ZMAT1: variants seen among roughly 807,000 people sequenced by gnomAD.
ZMAT1 encodes the protein zinc finger matrin-type protein 1.
ZMAT1 carries 11 observed loss-of-function variants against 18.5 expected under a neutral mutation model. The ratio of observed to expected loss-of-function variants is 0.59; its 90% confidence interval spans 0.37 to 0.98. The LOEUF (loss-of-function observed/expected upper bound fraction) is 0.98, where lower values mean the gene tolerates loss of function less well. Among genes scored for constraint, ZMAT1 ranks in the 50% least tolerant of loss-of-function variants. The pLI is 0.01. For synonymous variants in ZMAT1, 211 were observed against 176.4 expected, an observed-to-expected ratio of 1.20 and a Z score of -1.55; for missense variants, 525 against 496.2, an observed-to-expected ratio of 1.06 and a Z score of -0.55.
chrX:101,921,325 T>TTGTTG (rs1929710939), intron 1 of ZMAT1, among the ~76,000 whole-genome samples: 1 of 112,322 alleles, frequency 8.9e-6, no homozygotes, highest in South Asian at 3.7e-4. Context: ...TTCCAGGTGA[T>TTGTTG]ACAACAAGGG....
At chrX:101,917,153 C>G (rs1266212977) in intron 1 of ZMAT1, among the ~76,000 whole-genome samples, 1 of 112,039 alleles carries the variant, frequency 8.9e-6, no homozygotes, top group Non-Finnish European at 1.9e-5. Flanking sequence ...CAATACCCCA[C>G]AAGCACAGGC....
At chrX:101,900,464 G>A (rs931182957) in intron 2 of ZMAT1, among the ~76,000 whole-genome samples, 7 of 111,884 alleles carry the variant, frequency 6.3e-5, no homozygotes, top group Non-Finnish European at 7.5e-5. Flanking sequence ...AATCCATGTT[G>A]AGTTGATTTT....
At chrX:101,898,330 A>G (rs1056100065) in intron 2 of ZMAT1, 110 bp from the exon 3 acceptor site, 2 of 618,307 alleles carry the variant, frequency 3.2e-6, no homozygotes, top group African/African-American at 4.5e-5. Flanking sequence ...ATTTAGTCAA[A>G]CTTGGTACAG....
chrX:101,903,749 T>C (rs1928413905), intron 2 of ZMAT1, among the ~76,000 whole-genome samples: 1 of 112,103 alleles, frequency 8.9e-6, no homozygotes, highest in African/African-American at 3.2e-5. Flanking sequence ...AGTAAGGACA[T>C]TAAACATTCT....
intron 1 of ZMAT1, among the ~76,000 whole-genome samples, chrX:101,917,679 C>T (rs7877989): frequency 2.0e-3 from 220 of 112,344 alleles, no homozygotes; most frequent in African/African-American, 6.2e-3. Flanking sequence ...GCAATCTCAC[C>T]GCTGGGTATT....
At chrX:101,888,495 G>C (rs1159378370) in intron 4 of ZMAT1, 1 of 111,266 alleles carries the variant, frequency 9.0e-6, no homozygotes, top group Admixed American at 9.6e-5. Flanking sequence ...CAAAAATATT[G>C]ATGTTACAAC....
chrX:101,892,839 G>T, intron 4 of ZMAT1: 1 of 449,417 alleles, frequency 2.2e-6, no homozygotes, highest in Non-Finnish European at 2.8e-6. Context: ...ATAAACAATA[G>T]CAGATGGAGA....
At chrX:101,909,690 T>C (rs1928834270) in intron 1 of ZMAT1, among the ~76,000 whole-genome samples, 4 of 112,450 alleles carry the variant, frequency 3.6e-5, no homozygotes, top group African/African-American at 1.3e-4. Flanking sequence ...ACTCTGCCTT[T>C]GGAAAGTGAA....
chrX:101,894,934 G>A (rs1240764329), intron 4 of ZMAT1: 1 of 721,550 alleles, frequency 1.4e-6, no homozygotes, highest in African/African-American at 2.4e-5. Flanking sequence ...AAAAAAATAT[G>A]GTTAGAAGAG....
At chrX:101,927,877 G>C (rs112737972) in intron 1 of ZMAT1, among the ~76,000 whole-genome samples, 1 of 112,251 alleles carries the variant, frequency 8.9e-6, no homozygotes. Flanking sequence ...GCTTAAGTTA[G>C]TCTTTACAAC....
intron 1 of ZMAT1, among the ~76,000 whole-genome samples, chrX:101,929,484 GAGA>G: frequency 2.0e-5 from 2 of 99,896 alleles, no homozygotes; most frequent in Non-Finnish European, 4.0e-5. Flanking sequence ...GAGAGAGAGA[GAGA>G]GAGAGACACA....
intron 1 of ZMAT1, among the ~76,000 whole-genome samples, chrX:101,925,581 A>G (rs1346519797): frequency 1.8e-5 from 2 of 112,584 alleles, no homozygotes; most frequent in Non-Finnish European, 3.8e-5. Flanking sequence ...TATTTCACCT[A>G]AAAGGTACAG....
At chrX:101,909,714 A>G (rs1437424836) in intron 1 of ZMAT1, among the ~76,000 whole-genome samples, 2 of 112,701 alleles carry the variant, frequency 1.8e-5, no homozygotes, top group African/African-American at 6.4e-5. Context: ...AGGATAAGAA[A>G]GACTGAGTCT....
Position 101,883,645 on chromosome X carries a change from C to T in ZMAT1, c.1953G>A (p.Lys651=), listed in dbSNP as rs374288740. Residue 651 remains lysine (K), a synonymous_variant, in exon 6 of 6, where the codon AAG becomes AAA. Transcript: ENST00000651725. ...DRVKVSSGKL[K]HRKKKKSHDV... ...CATGGCTTTTTTTCTTTTTTCGATG[C>T]TTAAGCTTTCCTGAACTGACCTTGA... 2.5e-5 allele frequency: 30 copies of T among 1,208,690 alleles called. No individual in the cohort carries two copies. The highest frequency in any genetic ancestry group is 2.1e-4 in the African/African-American group (12 of 57,241).
intron 1 of ZMAT1, among the ~76,000 whole-genome samples, chrX:101,923,147 C>G (rs770947408): frequency 1.8e-5 from 2 of 112,166 alleles, no homozygotes; most frequent in South Asian, 7.5e-4. Flanking sequence ...TTTATACTCT[C>G]ACCATGTCTT....
At chrX:101,929,487 AG>A (rs60803182) in intron 1 of ZMAT1, among the ~76,000 whole-genome samples, 15,221 of 97,586 alleles carry the variant, frequency 0.16, 1,172 homozygotes, top group Non-Finnish European at 0.22. Context: ...AGAGAGAGAG[AG>A]AGAGACACAC....
chrX:101,887,479 A>G (rs1927046316), intron 4 of ZMAT1: 1 of 117,478 alleles, frequency 8.5e-6, no homozygotes, highest in Non-Finnish European at 1.7e-5. Context: ...GAAGCAAATT[A>G]ATACATTTCA....
chrX:101,930,147 G>A (rs1055404998), intron 1 of ZMAT1, among the ~76,000 whole-genome samples: 74 of 111,542 alleles, frequency 6.6e-4, no homozygotes, highest in African/African-American at 2.4e-3. Flanking sequence ...GCATCTCCAG[G>A]CAAAAAGCCA....
At chrX:101,892,267 T>C (rs752603124) in intron 4 of ZMAT1, among the ~76,000 whole-genome samples, 4 of 110,990 alleles carry the variant, frequency 3.6e-5, no homozygotes, top group Non-Finnish European at 7.6e-5. Flanking sequence ...TATGCAGAAG[T>C]AGAAAATGTA....
Sources: allele counts gnomAD v4.1 joint callset (sites outside exome capture counted in the v4.1 genomes callset), GRCh38; gene constraint gnomAD v4.1.1; transcripts MANE v1.5; gene names NCBI Gene and HGNC (gene_info 2026-07-23, HGNC 2026-07-21).